Variants in KCNN2 observed in about 807,000 individuals in gnomAD.
The protein encoded by KCNN2 is potassium calcium-activated channel subfamily N member 2, also known as small conductance calcium-activated potassium channel protein 2.
A neutral mutation model predicts 55.5 loss-of-function variants in KCNN2; 24 were observed. The ratio of observed to expected loss-of-function variants is 0.43; its 90% CI spans 0.31 to 0.61. KCNN2 has a LOEUF of 0.61. KCNN2 is among the 20% of genes least tolerant of loss of function. The pLI is 0.08. For missense variants in KCNN2, 754 were observed against 853.6 expected (o/e 0.88, Z 1.45); for synonymous variants, 431 against 336.1 (o/e 1.28, Z -3.09).
intron 5 of KCNN2, among the ~76,000 whole-genome samples, chr5:114,478,125 CCTG>C (rs754452567): frequency 1.3e-5 from 2 of 152,020 alleles, no homozygotes; most frequent in East Asian, 3.9e-4. Flanking sequence ...CAAATCTATC[CCTG>C]CTGCTGCAAG....
intron 6 of KCNN2, among the ~76,000 whole-genome samples, chr5:114,492,128 C>A (rs1050409856): frequency 6.6e-6 from 1 of 152,094 alleles, no homozygotes; most frequent in African/African-American, 2.4e-5. Flanking sequence ...AGGTATGTGT[C>A]AGCTAAACTT....
At chr5:114,410,003 T>A (rs1759080240) in intron 3 of KCNN2, among the ~76,000 whole-genome samples, 1 of 152,150 alleles carries the variant, frequency 6.6e-6, no homozygotes, top group African/African-American at 2.4e-5. Context: ...ACTCTTTCTC[T>A]GGTTATGGTT....
intron 2 of KCNN2, among the ~76,000 whole-genome samples, chr5:114,291,404 C>T (rs528531126): frequency 1.4e-4 from 22 of 151,812 alleles, no homozygotes; most frequent in Admixed American, 3.9e-4. Context: ...GTGTTCTCAT[C>T]GTTCAATTTC....
intron 1 of KCNN2, among the ~76,000 whole-genome samples, chr5:114,163,033 C>T (rs1752824514): frequency 6.6e-6 from 1 of 152,170 alleles, no homozygotes; most frequent in African/African-American, 2.4e-5. Context: ...TGGCAATCCC[C>T]AGTGAGATGA....
chr5:114,140,647 G>A (rs1479971353), intron 1 of KCNN2, among the ~76,000 whole-genome samples: 2 of 151,630 alleles, frequency 1.3e-5, no homozygotes, highest in Non-Finnish European at 2.9e-5. Flanking sequence ...GAGCATTTTA[G>A]AATTAGGATT....
intron 6 of KCNN2, among the ~76,000 whole-genome samples, chr5:114,492,400 TTTTG>T (rs1304470376): frequency 6.6e-6 from 1 of 152,160 alleles, no homozygotes; most frequent in African/African-American, 2.4e-5. Context: ...TGGCATGACT[TTTTG>T]TTTGTTTTCA....
chr5:114,451,450 C>G (rs559783709), intron 3 of KCNN2, among the ~76,000 whole-genome samples: 1 of 151,988 alleles, frequency 6.6e-6, no homozygotes, highest in Non-Finnish European at 1.5e-5. Flanking sequence ...CACACACACA[C>G]AGGGAGAGAG....
chr5:114,411,668 G>C (rs542168184), intron 3 of KCNN2, among the ~76,000 whole-genome samples: 17 of 152,304 alleles, frequency 1.1e-4, no homozygotes, highest in African/African-American at 3.6e-4. Flanking sequence ...AGGAGAGAGA[G>C]AGAGGGGGCG....
chr5:114,213,970 C>T (rs1159236035), intron 1 of KCNN2, among the ~76,000 whole-genome samples: 1 of 151,878 alleles, frequency 6.6e-6, no homozygotes, highest in Non-Finnish European at 1.5e-5. Context: ...GAGTGTTTAC[C>T]CAGCCCTGAG....
chr5:114,373,628 G>A, intron 2 of KCNN2, among the ~76,000 whole-genome samples: 1 of 59,326 alleles, frequency 1.7e-5, no homozygotes, highest in Non-Finnish European at 3.6e-5. Flanking sequence ...TCATGGTGTT[G>A]TTATGAAGAT....
chr5:114,123,358 T>TTG (rs1751862686), intron 1 of KCNN2, among the ~76,000 whole-genome samples: 1 of 49,732 alleles, frequency 2.0e-5, no homozygotes, highest in Non-Finnish European at 3.6e-5. Context: ...TTAATTTTTT[T>TTG]TTTTTTTTTT....
intron 2 of KCNN2, among the ~76,000 whole-genome samples, chr5:114,243,113 T>A (rs1754677548): frequency 6.6e-6 from 1 of 152,180 alleles, no homozygotes; most frequent in Non-Finnish European, 1.5e-5. Context: ...TGTTACATAG[T>A]ATATTTTATA....
chr5:114,357,377 C>A, upstream of KCNN2, among the ~76,000 whole-genome samples: 2 of 143,406 alleles, frequency 1.4e-5, no homozygotes, highest in Non-Finnish European at 1.5e-5. Context: ...TATACATGTG[C>A]CATGCTGGTG....
At chr5:114,123,122 G>A (rs1751857819) in intron 1 of KCNN2, among the ~76,000 whole-genome samples, 1 of 152,054 alleles carries the variant, frequency 6.6e-6, no homozygotes. Flanking sequence ...AGTGCACCAG[G>A]CACCACTCTT....
chr5:114,213,028 G>T (rs1298946768), intron 1 of KCNN2, among the ~76,000 whole-genome samples: 1 of 151,966 alleles, frequency 6.6e-6, no homozygotes, highest in Non-Finnish European at 1.5e-5. Flanking sequence ...GATGCTGGGG[G>T]AAAGAAAAGG....
At chr5:114,460,152 CTTTG>C (rs893221804) in intron 3 of KCNN2, among the ~76,000 whole-genome samples, 2 of 152,274 alleles carry the variant, frequency 1.3e-5, no homozygotes, top group African/African-American at 4.8e-5. Flanking sequence ...CCCTAGAAAT[CTTTG>C]TTTATCGTAT....
chr5:114,071,177 A>C (rs1322783679), intron 1 of KCNN2, among the ~76,000 whole-genome samples: 1 of 152,234 alleles, frequency 6.6e-6, no homozygotes, highest in East Asian at 1.9e-4. Flanking sequence ...AATGGCTGTA[A>C]TTTCTGAAAG....
intron 5 of KCNN2, chr5:114,486,722 A>G (rs1005809069): frequency 6.8e-5 from 88 of 1,292,470 alleles, no homozygotes; most frequent in African/African-American, 5.8e-4. Context: ...TGGAGACAAC[A>G]ATTGCAATAC....
intron 2 of KCNN2, among the ~76,000 whole-genome samples, chr5:114,289,853 A>C (rs1194125989): frequency 6.6e-6 from 1 of 152,162 alleles, no homozygotes; most frequent in Non-Finnish European, 1.5e-5. Flanking sequence ...AATGTCCTAC[A>C]ATTTTCAGTG....
Sources: gnomAD v4.1 joint callset for allele counts (sites outside exome capture counted in the v4.1 genomes callset) on GRCh38, gnomAD v4.1.1 for gene constraint, MANE v1.5 for transcripts, NCBI Gene and HGNC (gene_info 2026-07-23, HGNC 2026-07-21) for gene names.